The following LINGO2 variants were observed in gnomAD, a reference collection of about 807,000 sequenced individuals.
LINGO2 encodes leucine-rich repeat and immunoglobulin-like domain-containing nogo receptor-interacting protein 2.
In LINGO2, 14 loss-of-function variants were observed where a neutral mutation model predicts 30.6. The observed-to-expected ratio is 0.46, with a 90% CI of 0.30 to 0.72. LINGO2 has a LOEUF of 0.72. LINGO2 is among the 30% of genes least tolerant of loss of function. LINGO2 has a pLI of 0.07. For synonymous variants in LINGO2, 317 were observed against 288.5 expected (o/e 1.10, Z -1.00); for missense variants, 729 against 751.7 (o/e 0.97, Z 0.35).
At chr9:28,892,076 T>C in the LINGO2 span, among the ~76,000 whole-genome samples, 1 of 152,058 alleles carries the variant, frequency 6.6e-6, no homozygotes, top group African/African-American at 2.4e-5. Flanking sequence ...TTTTTTTACC[T>C]CATCAAATCA....
At chr9:29,049,866 T>C in the LINGO2 span, among the ~76,000 whole-genome samples, 1 of 152,032 alleles carries the variant, frequency 6.6e-6, no homozygotes, top group Non-Finnish European at 1.5e-5. Flanking sequence ...AAAGAATAAA[T>C]AAGATCTACT....
chr9:28,022,022 T>C (rs1823151893), intron 4 of LINGO2, among the ~76,000 whole-genome samples: 1 of 152,094 alleles, frequency 6.6e-6, no homozygotes, highest in South Asian at 2.1e-4. Flanking sequence ...TTGTTTTATA[T>C]TTGTTACATT....
At chr9:28,144,026 A>T (rs1387741098) in intron 4 of LINGO2, among the ~76,000 whole-genome samples, 2 of 152,202 alleles carry the variant, frequency 1.3e-5, no homozygotes, top group Non-Finnish European at 2.9e-5. Flanking sequence ...AATAATGGAT[A>T]TATTGAATGG....
At chr9:28,355,203 T>C (rs10491895) in intron 3 of LINGO2, among the ~76,000 whole-genome samples, 16,437 of 151,646 alleles carry the variant, frequency 0.11, 1,233 homozygotes, top group Admixed American at 0.17. Context: ...CCAGGTTGTA[T>C]TATAAATCTC....
chr9:28,597,667 T>C (rs1229383627), intron 1 of LINGO2, among the ~76,000 whole-genome samples: 1 of 152,216 alleles, frequency 6.6e-6, no homozygotes. Flanking sequence ...TATTGTATAG[T>C]CATAGAAGTA....
intron 5 of LINGO2, among the ~76,000 whole-genome samples, chr9:27,977,790 G>GAA (rs1000528765): frequency 3.5e-5 from 5 of 141,948 alleles, no homozygotes; most frequent in African/African-American, 1.3e-4. Context: ...CCAGGGGAAA[G>GAA]AAAAAAAAAA....
chr9:28,003,334 TATAGATATATAG>T lies in LINGO2; in HGVS notation c.-36+9009_-36+9020del, dbSNP rs558411594. Reference sequence around the variant, plus strand: ...TTAGTTTTTGTTAACCATATAGATATATAGATATATAGATAGATAGATAGATAGATAGATAGA... The same window carrying T: ...TTAGTTTTTGTTAACCATATAGATATATAGATAGATAGATAGATAGATAGA... On this transcript the variant is annotated intron_variant, in intron 5 of 5. Transcript: ENST00000379992. Among the ~76,000 whole-genome samples the T allele has an allele frequency of 3.7e-3, 504 of 135,228 alleles. 5 individuals carry two copies. The highest frequency in any genetic ancestry group is 0.012 in the African/African-American group (422 of 34,664). The allele number at this position is 135,228 out of a possible 152,430, so 88.7% of individuals were successfully genotyped here.
chr9:29,161,077 G>A, the LINGO2 span, among the ~76,000 whole-genome samples: 2 of 152,210 alleles, frequency 1.3e-5, no homozygotes, highest in South Asian at 4.1e-4. Flanking sequence ...GGCTCAACAT[G>A]CTCACACTCA....
chr9:28,019,814 C>T lies in LINGO2; in HGVS notation c.-86-7409G>A, dbSNP rs117330084. On this transcript the variant is annotated intron_variant, in intron 4 of 5. Coordinates refer to ENST00000379992, the Ensembl canonical transcript of LINGO2. ...AGGATTTAAGCCTCAGTTTTTTCAC[C>T]AATTTAACCAACTTGCTGAGTAACC... Among the ~76,000 whole-genome samples the T allele has an allele frequency of 4.5e-3, 681 of 152,050 alleles. 11 individuals carry two copies. Among genetic ancestry groups the T allele is most frequent in the Non-Finnish European group, 4.6e-3 (312 of 67,990 alleles).
chr9:27,942,676 G>T, the LINGO2 span: 1 of 152,034 alleles, frequency 6.6e-6, no homozygotes, highest in Non-Finnish European at 1.5e-5. Context: ...CTCAAAATAG[G>T]ATTTTGATAA....
chr9:28,647,533 A>G lies in LINGO2; in HGVS notation c.-365+22667T>C, dbSNP rs544739358. 2.7e-3 allele frequency among the ~76,000 whole-genome samples: 407 copies of G among 152,186 alleles called. 3 individuals are homozygous for G. The highest frequency in any genetic ancestry group is 3.4e-3 in the Non-Finnish European group (232 of 67,980). On this transcript the variant is annotated intron_variant, in intron 1 of 5. Transcript: ENST00000379992. ...TGTACTTTATTTCCTACTACCTCCC[A>G]ATAGCAGAAAATGACATATTTTTTC...
the LINGO2 span, among the ~76,000 whole-genome samples, chr9:28,901,746 G>C: frequency 2.6e-5 from 4 of 151,262 alleles, no homozygotes; most frequent in Admixed American, 2.6e-4. Context: ...AATACTGCTA[G>C]AGAAAATAAT....
At chr9:29,078,236 T>G in the LINGO2 span, among the ~76,000 whole-genome samples, 1 of 151,934 alleles carries the variant, frequency 6.6e-6, no homozygotes, top group Admixed American at 6.6e-5. Flanking sequence ...ACAAGTATGC[T>G]ACAGGCAGAG....
At chr9:28,071,681 G>A (rs1369124376) in intron 4 of LINGO2, among the ~76,000 whole-genome samples, 3 of 151,736 alleles carry the variant, frequency 2.0e-5, no homozygotes, top group African/African-American at 4.8e-5. Context: ...GTGTACTTTG[G>A]CAAAAATTAG....
chr9:28,744,609 C>CGTGTGTGTGTGTGT, the LINGO2 span, among the ~76,000 whole-genome samples: 2,314 of 133,934 alleles, frequency 0.017, 47 homozygotes, highest in Non-Finnish European at 0.022. Context: ...ATATTCCCCT[C>CGTGTGTGTGTGTGT]GTGTGTGTGT....
intron 2 of LINGO2, among the ~76,000 whole-genome samples, chr9:28,426,857 C>A (rs533232939): frequency 3.9e-4 from 60 of 152,212 alleles, no homozygotes; most frequent in African/African-American, 1.4e-3. Flanking sequence ...TCCCCTTTAA[C>A]AATCAAGATA....
intron 1 of LINGO2, among the ~76,000 whole-genome samples, chr9:28,655,593 A>G (rs904723316): frequency 1.1e-4 from 16 of 152,132 alleles, no homozygotes; most frequent in Middle Eastern, 3.4e-3. Flanking sequence ...CTTGAATTGT[A>G]CTTCCCATAA....
chr9:29,179,158 AATATATATATATATATATATATATATAT>A, the LINGO2 span, among the ~76,000 whole-genome samples: 9 of 101,636 alleles, frequency 8.9e-5, no homozygotes, highest in African/African-American at 2.2e-4. Flanking sequence ...TCTTACTGTA[AATATATATATATATATATATATATATAT>A]ATATATATAT....
At chr9:28,654,915 T>C (rs997809870) in intron 1 of LINGO2, among the ~76,000 whole-genome samples, 5 of 152,138 alleles carry the variant, frequency 3.3e-5, no homozygotes, top group Non-Finnish European at 7.4e-5. Flanking sequence ...ATGATATCGT[T>C]AGGCACTTTT....
Sources: gnomAD v4.1 joint callset for allele counts (sites outside exome capture counted in the v4.1 genomes callset) on GRCh38, gnomAD v4.1.1 for gene constraint, MANE v1.5 for transcripts, NCBI Gene and HGNC (gene_info 2026-07-23, HGNC 2026-07-21) for gene names.